Variants in SHC4 observed in about 807,000 individuals in gnomAD.
The protein encoded by SHC4 is SHC-transforming protein 4.
Under a neutral mutation model 69.4 loss-of-function variants are expected in SHC4, and 41 were observed. The ratio of observed to expected loss-of-function variants is 0.59; its 90% CI spans 0.46 to 0.77. The LOEUF (loss-of-function observed/expected upper bound fraction) is 0.77. Ranked by LOEUF, SHC4 falls within the 30% of genes least tolerant of loss-of-function variation. The pLI is 0.00. For missense variants in SHC4, 777 were observed against 783.8 expected (o/e 0.99, Z 0.10); for synonymous variants, 318 against 299.3 (o/e 1.06, Z -0.64).
rs185271546 is a variant in SHC4, at chr15:48,922,826, C to A, written c.656+2053G>T. On this transcript the variant is annotated intron_variant, in intron 2 of 11. Coordinates refer to ENST00000332408, the MANE Select transcript of SHC4 (RefSeq NM_203349.4). ...TTAAGAATCTTCAAAATGGAGTAAACCCTGAAATATGTCCATCAAAGTAGG... is the reference window on the plus strand; with the variant it reads ...TTAAGAATCTTCAAAATGGAGTAAAACCTGAAATATGTCCATCAAAGTAGG... 1.2e-3 allele frequency among the ~76,000 whole-genome samples: 183 copies of A among 151,862 alleles called. 5 individuals are homozygous for A. Among genetic ancestry groups the A allele is most frequent in the Admixed American group, 0.01 (159 of 15,220 alleles).
chr15:48,833,959 AT>A (rs1898854920), intron 11 of SHC4, among the ~76,000 whole-genome samples: 1 of 152,130 alleles, frequency 6.6e-6, no homozygotes, highest in Non-Finnish European at 1.5e-5. Flanking sequence ...AGAGTTGTTA[AT>A]TCTGTGTTTC....
chr15:48,898,404 T>C (rs1900261752), intron 2 of SHC4, among the ~76,000 whole-genome samples: 1 of 152,204 alleles, frequency 6.6e-6, no homozygotes, highest in African/African-American at 2.4e-5. Context: ...ATACATCCTT[T>C]CACTTTAGAA....
intron 1 of SHC4, among the ~76,000 whole-genome samples, chr15:48,931,241 T>C (rs1900959436): frequency 6.6e-6 from 1 of 152,188 alleles, no homozygotes; most frequent in Non-Finnish European, 1.5e-5. Flanking sequence ...TTGGGAAGTA[T>C]TAAAAATTCT....
chr15:48,878,032 G>A (rs577971671), intron 4 of SHC4: 1 of 1,032,910 alleles, frequency 9.7e-7, no homozygotes, highest in Admixed American at 2.7e-5. Flanking sequence ...CCACAGTGGC[G>A]CGCCAAGTAG....
rs527290432 is a variant in SHC4 at position 48,862,621 on chromosome 15, C to T, written c.947-4806G>A. 3.2e-4 allele frequency among the ~76,000 whole-genome samples: 48 copies of T among 152,284 alleles called. 1 individual carries two copies. The highest frequency in any genetic ancestry group is 1.2e-3 in the Admixed American group (19 of 15,302). Reference sequence around the variant, plus strand: ...CTGCTCATCTCCACTTCCTGTCAACCATACTGTCCTCCTCATCCCTGCAAT... The same window carrying T: ...CTGCTCATCTCCACTTCCTGTCAACTATACTGTCCTCCTCATCCCTGCAAT... On this transcript the variant is annotated intron_variant, in intron 6 of 11. Coordinates refer to ENST00000332408, the MANE Select transcript of SHC4 (RefSeq NM_203349.4).
At chr15:48,883,093 G>A (rs547678170) in intron 4 of SHC4, among the ~76,000 whole-genome samples, 1 of 152,076 alleles carries the variant, frequency 6.6e-6, no homozygotes, top group South Asian at 2.1e-4. Flanking sequence ...CTCAAAACCT[G>A]TACTTATATG....
intron 5 of SHC4, among the ~76,000 whole-genome samples, chr15:48,869,104 A>C (rs902360686): frequency 3.3e-5 from 5 of 152,228 alleles, no homozygotes; most frequent in African/African-American, 1.2e-4. Flanking sequence ...AGCTGTAAAC[A>C]TTTGGGAGAA....
chr15:48,849,490 C>T (rs1899164974), intron 9 of SHC4, among the ~76,000 whole-genome samples: 1 of 152,174 alleles, frequency 6.6e-6, no homozygotes, highest in African/African-American at 2.4e-5. Context: ...ACAAGAGTGC[C>T]AGTTGTGCCT....
intron 1 of SHC4, among the ~76,000 whole-genome samples, chr15:48,945,039 C>G (rs1175425452): frequency 6.6e-6 from 1 of 152,098 alleles, no homozygotes; most frequent in Admixed American, 6.5e-5. Context: ...GGAGAGCAAC[C>G]CAGTCTTTCA....
At chr15:48,854,364 T>C (rs1899271699) in intron 8 of SHC4, among the ~76,000 whole-genome samples, 1 of 152,190 alleles carries the variant, frequency 6.6e-6, no homozygotes, top group Non-Finnish European at 1.5e-5. Context: ...ACACTGTTGG[T>C]AGGAATGTAA....
intron 2 of SHC4, among the ~76,000 whole-genome samples, chr15:48,916,291 AC>A (rs1900619836): frequency 1.3e-5 from 2 of 151,176 alleles, no homozygotes; most frequent in African/African-American, 4.9e-5. Context: ...ACACACACAC[AC>A]ACACACACAC....
chr15:48,845,781 G>A (rs1899079036), intron 9 of SHC4, among the ~76,000 whole-genome samples: 1 of 152,028 alleles, frequency 6.6e-6, no homozygotes. Flanking sequence ...ATAGCATCCA[G>A]CTGTTGTAAT....
In SHC4 at chr15:48,932,455, G is replaced by A. The variant is rs115991839; in HGVS notation, c.586-7506C>T. 1.5e-3 allele frequency among the ~76,000 whole-genome samples: 230 copies of A among 152,240 alleles called. 1 individual carries two copies. The highest frequency in any genetic ancestry group is 5.3e-3 in the African/African-American group (222 of 41,538). ...TCCAGCTTTCTTAGAATGATGTACA[G>A]GGCCTCTCATGATTTGGCTCTTGCT... On this transcript the variant is annotated intron_variant, in intron 1 of 11. Coordinates refer to ENST00000332408, the MANE Select transcript of SHC4 (RefSeq NM_203349.4).
At chr15:48,900,106 G>A (rs1269914845) in intron 2 of SHC4, among the ~76,000 whole-genome samples, 5 of 152,144 alleles carry the variant, frequency 3.3e-5, no homozygotes, top group East Asian at 1.9e-4. Flanking sequence ...ATGATATTCC[G>A]TTCTGGGGAA....
intron 1 of SHC4, among the ~76,000 whole-genome samples, chr15:48,944,310 C>A (rs1901234331): frequency 6.6e-6 from 1 of 151,838 alleles, no homozygotes; most frequent in South Asian, 2.1e-4. Context: ...CTAACAGATC[C>A]CCAAACTGCC....
intron 1 of SHC4, chr15:48,946,687 G>T: frequency 1.4e-6 from 1 of 702,458 alleles, no homozygotes; most frequent in Non-Finnish European, 1.7e-6. Flanking sequence ...TGCTCTCTGG[G>T]CAACGCATTT....
chr15:48,877,355 A>C, intron 4 of SHC4: 2 of 770,366 alleles, frequency 2.6e-6, no homozygotes, highest in Non-Finnish European at 3.2e-6. Context: ...AATAATAGAA[A>C]TAAAGTGCAG....
At chr15:48,943,448 G>GTAA (rs1318018764) in intron 1 of SHC4, among the ~76,000 whole-genome samples, 1 of 151,938 alleles carries the variant, frequency 6.6e-6, no homozygotes, top group African/African-American at 2.4e-5. Flanking sequence ...CTTTTTTAAG[G>GTAA]CTGAATAATA....
chr15:48,853,234 AC>A (rs1234520272), intron 8 of SHC4, among the ~76,000 whole-genome samples: 1 of 152,114 alleles, frequency 6.6e-6, no homozygotes, highest in Non-Finnish European at 1.5e-5. Context: ...TACAATAGCC[AC>A]CAAAATATAA....
Sources: allele counts gnomAD v4.1 joint callset (sites outside exome capture counted in the v4.1 genomes callset), GRCh38; gene constraint gnomAD v4.1.1; transcripts MANE v1.5; gene names NCBI Gene and HGNC (gene_info 2026-07-23, HGNC 2026-07-21).